Variants in GRAMD4 observed in about 807,000 individuals in gnomAD.
GRAMD4 encodes the protein GRAM domain containing 4.
GRAMD4 carries 25 observed loss-of-function variants against 83.9 expected under a neutral mutation model. The observed-to-expected ratio is 0.30, with a 90% CI of 0.22 to 0.42. GRAMD4 has a LOEUF of 0.42. Ranked by LOEUF, GRAMD4 falls within the 10% of genes least tolerant of loss-of-function variation. The pLI is 1.00. For missense variants in GRAMD4, 593 were observed against 788.7 expected (o/e 0.75, Z 2.97); for synonymous variants, 336 against 320.9 (o/e 1.05, Z -0.50).
intron 3 of GRAMD4, among the ~76,000 whole-genome samples, chr22:46,647,161 A>C (rs568639350): frequency 6.6e-6 from 1 of 152,302 alleles, no homozygotes; most frequent in East Asian, 1.9e-4. Flanking sequence ...GACATGTTTA[A>C]TAAGTGACGA....
At chr22:46,588,101 C>T (rs117479378) in intron 1 of GRAMD4, among the ~76,000 whole-genome samples, 12,927 of 151,902 alleles carry the variant, frequency 0.085, 707 homozygotes, top group East Asian at 0.28. Context: ...GAGCCGCCTT[C>T]GGGGGCTCTG....
chr22:46,680,067 C>T (rs375839325), downstream of GRAMD4, among the ~76,000 whole-genome samples: 15 of 152,284 alleles, frequency 9.9e-5, no homozygotes, highest in South Asian at 2.1e-3. Context: ...TGGCGAGGGA[C>T]GCGGCCTGCA....
chr22:46,595,806 C>T (rs2081256719), intron 1 of GRAMD4, among the ~76,000 whole-genome samples: 1 of 152,260 alleles, frequency 6.6e-6, no homozygotes, highest in Non-Finnish European at 1.5e-5. Flanking sequence ...CCCCATCTGA[C>T]AGGTGCCAGG....
intron 1 of GRAMD4, among the ~76,000 whole-genome samples, chr22:46,597,421 T>G (rs939757925): frequency 6.6e-6 from 1 of 152,226 alleles, no homozygotes; most frequent in East Asian, 1.9e-4. Flanking sequence ...GGTAGTTACC[T>G]CTCCTTCTCT....
chr22:46,671,754 C>T (rs2082509667), intron 13 of GRAMD4, among the ~76,000 whole-genome samples: 1 of 149,950 alleles, frequency 6.7e-6, no homozygotes, highest in African/African-American at 2.5e-5. Context: ...GCAGGAGAAT[C>T]GCTTGAACCC....
intron 3 of GRAMD4, among the ~76,000 whole-genome samples, chr22:46,645,439 C>G (rs543913061): frequency 1.1e-4 from 17 of 152,314 alleles, no homozygotes; most frequent in African/African-American, 3.8e-4. Flanking sequence ...GAGCTGTGTT[C>G]AGGAGTCAGG....
At chr22:46,581,005 T>C (rs185708999) in intron 1 of GRAMD4, among the ~76,000 whole-genome samples, 15 of 144,460 alleles carry the variant, frequency 1.0e-4, no homozygotes, top group African/African-American at 3.6e-4. Context: ...AAAAAGAAAA[T>C]GCGTGTTTCC....
upstream of GRAMD4, among the ~76,000 whole-genome samples, chr22:46,615,783 C>T (rs1290508640): frequency 9.9e-4 from 6 of 6,054 alleles, 1 homozygote; most frequent in African/African-American, 2.6e-3. Context: ...TTCCCCTGTG[C>T]GTGTAGGTTC....
chr22:46,615,559 CTGTG>C (rs2147108974), upstream of GRAMD4, among the ~76,000 whole-genome samples: 2 of 143,882 alleles, frequency 1.4e-5, no homozygotes, highest in African/African-American at 2.6e-5. Flanking sequence ...GTAGGTTCCC[CTGTG>C]CGTGTAGGTT....
In GRAMD4 at chr22:46,663,313, T is replaced by C. The variant is rs556546272; in HGVS notation, c.599+141T>C. 33 of 819,328 alleles carry C rather than the reference T, an allele frequency of 4.0e-5. 1 individual carries two copies. Among genetic ancestry groups the C allele is most frequent in the East Asian group, 2.1e-4 (8 of 38,550 alleles). 50.8% of individuals were successfully genotyped at this position (819,328 alleles called of 1,614,324 possible). A position where few individuals can be genotyped will look rare whatever the true frequency, so the allele number is the denominator to read the frequency against. On this transcript the variant is annotated intron_variant, in intron 6 of 18. Coordinates refer to ENST00000406902, the MANE Select transcript of GRAMD4 (RefSeq NM_015124.5). ...CCGAGAGCTCCTGGAGGCTCCGCTG[T>C]GTCTGGTCTTCTGGGGGCCGTGCCT...
intron 3 of GRAMD4, among the ~76,000 whole-genome samples, chr22:46,648,739 G>C (rs564846388): frequency 3.6e-4 from 52 of 143,390 alleles, no homozygotes; most frequent in African/African-American, 1.3e-3. Context: ...TGGATGGATG[G>C]ATGGATGCAT....
At chr22:46,668,265 T>A in intron 11 of GRAMD4, 98 bp downstream of exon 11, 2 of 812,772 alleles carry the variant, frequency 2.5e-6, no homozygotes, top group Non-Finnish European at 4.1e-6. Context: ...TCCGCCGGCC[T>A]CCGCTGCTGC....
intron 8 of GRAMD4, among the ~76,000 whole-genome samples, chr22:46,664,796 C>T (rs2082383837): frequency 6.6e-6 from 1 of 152,238 alleles, no homozygotes; most frequent in African/African-American, 2.4e-5. Flanking sequence ...CAGCCTGGCA[C>T]TGTCCAGGGC....
chr22:46,616,569 C>A (rs373036795), upstream of GRAMD4, among the ~76,000 whole-genome samples: 1 of 35,778 alleles, frequency 2.8e-5, no homozygotes, highest in African/African-American at 1.1e-4. Flanking sequence ...CCTGTGTGTG[C>A]GGCTTCCCCT....
intron 1 of GRAMD4, among the ~76,000 whole-genome samples, chr22:46,606,744 A>G (rs888110697): frequency 2.1e-4 from 32 of 152,380 alleles, no homozygotes; most frequent in Middle Eastern, 3.4e-3. Context: ...AGTGCTGAGC[A>G]TCTCTGCGTG....
intron 3 of GRAMD4, among the ~76,000 whole-genome samples, chr22:46,644,697 G>GTTTTTTTTTTTTTT (rs71192437): frequency 1.0e-5 from 1 of 97,338 alleles, no homozygotes; most frequent in African/African-American, 4.0e-5. Context: ...CTTGTTCCCT[G>GTTTTTTTTTTTTTT]TTTTTTTTTT....
rs868007933 is a variant in GRAMD4, at chr22:46,672,851, G to C, written c.1093G>C (p.Ala365Pro). The stretch of plus-strand genomic sequence containing the variant: ...GTGTCCCCTGCCCTCAGGACTCTAT[G>C]CTGGTATCAAGTTCTTCCTCATTGA... ...RLVGLAVGLY[A>P]GIKFFLIDFI... Residue 365 changes from alanine (A) to proline (P), a missense_variant, in exon 14 of 19, where the codon GCT (alanine) becomes CCT (proline). This residue lies in a region of GRAMD4 where 171 missense variants were observed against 199.6 expected (regional missense o/e 0.86). Transcript: ENST00000406902. The surrounding 1 kb of genome is among the most constrained non-coding windows in gnomAD (Gnocchi z 4.7). The C allele has an allele frequency of 6.2e-7, 1 of 1,612,392 alleles. No homozygotes were observed. The highest frequency in any genetic ancestry group is 1.3e-5 in the African/African-American group (1 of 74,996).
rs1276132096 is a variant in GRAMD4 at position 46,621,586 on chromosome 22, G to C, written c.-50+1021G>C. Among the ~76,000 whole-genome samples the C allele has an allele frequency of 1.6e-5, 1 of 61,834 alleles. No individual in the cohort carries two copies. The highest frequency in any genetic ancestry group is 3.4e-5 in the Non-Finnish European group (1 of 29,548). 40.6% of individuals were successfully genotyped at this position (61,834 alleles called of 152,430 possible). On this transcript the variant is annotated intron_variant, in intron 1 of 18. Transcript: ENST00000406902. This position sits in a 1 kb window ranked among gnomAD's most constrained non-coding sequence, Gnocchi z 5.8. Reference sequence around the variant, plus strand: ...GGGCCCATCCCTGGCGGTGTGTCGCGGAGGGCACCCCTACCCCGGTGCAGG... The same window carrying C: ...GGGCCCATCCCTGGCGGTGTGTCGCCGAGGGCACCCCTACCCCGGTGCAGG...
At chr22:46,623,145 T>C (rs1050056236) in intron 1 of GRAMD4, among the ~76,000 whole-genome samples, 2 of 152,048 alleles carry the variant, frequency 1.3e-5, no homozygotes, top group African/African-American at 4.8e-5. Flanking sequence ...GTCCCGGTTT[T>C]AGTTGCCTTC....
Sources: allele counts gnomAD v4.1 joint callset (sites outside exome capture counted in the v4.1 genomes callset), GRCh38; gene constraint gnomAD v4.1.1; regional missense constraint gnomAD v4.1.1; non-coding constraint Gnocchi (gnomAD v3.1); transcripts MANE v1.5; gene names NCBI Gene and HGNC (gene_info 2026-07-23, HGNC 2026-07-21).